The following GOLGA4 variants were observed in gnomAD, a reference collection of about 807,000 sequenced individuals.
The protein encoded by GOLGA4 is golgin A4.
GOLGA4 carries 169 observed loss-of-function variants against 265.9 expected under a neutral mutation model. That is an observed-to-expected ratio of 0.64 (90% confidence interval 0.56 to 0.72). The LOEUF (loss-of-function observed/expected upper bound fraction) is 0.72, where lower values mean the gene tolerates loss of function less well. GOLGA4 is among the 30% of genes least tolerant of loss of function. The pLI, the probability that GOLGA4 is intolerant of heterozygous loss-of-function variation, is 0.00. For missense variants in GOLGA4, 2,482 were observed against 2,483.4 expected (o/e 1.00, Z 0.01); for synonymous variants, 923 against 855.8 (o/e 1.08, Z -1.37).
In GOLGA4 at chr3:37,323,909, A is replaced by T; in HGVS notation, c.2023A>T (p.Thr675Ser). 1.2e-6 allele frequency: 2 copies of T among 1,613,610 alleles called. No individual in the cohort carries two copies. Among genetic ancestry groups the T allele is most frequent in the South Asian group, 1.1e-5 (1 of 90,956 alleles). ...QAHIEEMNEK[T>S]LEKLDVKQTE... ...CCACATAGAAGAAATGAATGAAAAG[A>T]CTTTAGAAAAGCTTGATGTGAAGCA... Residue 675 changes from threonine (T) to serine (S), a missense_variant, in exon 14 of 24, where the codon ACT (threonine) becomes TCT (serine). Physicochemically the swap from Thr to Ser is moderately conservative, Grantham distance 58. Around this residue, in one of 3 missense-constraint regions of GOLGA4, gnomAD observed 1,536 missense variants for 1,483.7 expected, o/e 1.04. Coordinates refer to ENST00000361924, the MANE Select transcript of GOLGA4 (RefSeq NM_002078.5).
At chr3:37,339,133 A>G (rs1440399738) in intron 19 of GOLGA4, among the ~76,000 whole-genome samples, 1 of 152,148 alleles carries the variant, frequency 6.6e-6, no homozygotes, top group East Asian at 1.9e-4. Flanking sequence ...AAGTGCTGGG[A>G]TTACAGGCAT....
At chr3:37,263,956 G>T (rs558728966) in intron 2 of GOLGA4, among the ~76,000 whole-genome samples, 2 of 152,262 alleles carry the variant, frequency 1.3e-5, no homozygotes, top group African/African-American at 4.8e-5. Context: ...GAGAACTGTT[G>T]CTTGCGAGAC....
rs372211115 is a variant in GOLGA4 at position 37,285,993 on chromosome 3, T to C, written c.478-21T>C. The C allele has an allele frequency of 6.3e-5, 91 of 1,443,746 alleles. No individual in the cohort carries two copies. The South Asian group carries it at 1.0e-3, about 17-fold the overall frequency. 89.4% of individuals were successfully genotyped at this position (1,443,746 alleles called of 1,614,324 possible). On this transcript the variant is annotated intron_variant, in intron 3 of 23. Coordinates refer to ENST00000361924, the MANE Select transcript of GOLGA4 (RefSeq NM_002078.5). ...TGCATTTATTTAGGAATGACTAATGTTGTTGATGACTATATTTTAGCTTGT... is the reference window on the plus strand; with the variant it reads ...TGCATTTATTTAGGAATGACTAATGCTGTTGATGACTATATTTTAGCTTGT...
chr3:37,268,484 C>T (rs2150703849), intron 2 of GOLGA4, among the ~76,000 whole-genome samples: 1 of 151,904 alleles, frequency 6.6e-6, no homozygotes, highest in Non-Finnish European at 1.5e-5. Flanking sequence ...CCTAGGGCCA[C>T]TTCCATAAGT....
chr3:37,359,228 A>G (rs969684942), intron 22 of GOLGA4, among the ~76,000 whole-genome samples: 2 of 152,220 alleles, frequency 1.3e-5, no homozygotes, highest in South Asian at 2.1e-4. Context: ...AATATGGGCA[A>G]GAGTGAATAC....
At position 37,258,087 on chromosome 3, in the gene GOLGA4, A is replaced by G. The variant is rs931031934; in HGVS notation, c.162+6603A>G. Among the ~76,000 whole-genome samples, 6 of 134,194 alleles carry G rather than the reference A, an allele frequency of 4.5e-5. 1 individual carries two copies. Among genetic ancestry groups the G allele is most frequent in the Non-Finnish European group, 7.8e-5 (5 of 63,776 alleles). 88.0% of individuals were successfully genotyped at this position (134,194 alleles called of 152,430 possible). On this transcript the variant is annotated intron_variant, in intron 2 of 23. Transcript: ENST00000361924. ...TATATATGTATATATATATGTGTGT[A>G]TATATATATGCTCTGTATATATATA... is the stretch of plus-strand genomic sequence containing the variant.
chr3:37,275,242 GAAAA>G (rs1300662121), intron 2 of GOLGA4, among the ~76,000 whole-genome samples: 1 of 98,942 alleles, frequency 1.0e-5, no homozygotes, highest in Non-Finnish European at 2.1e-5. Flanking sequence ...AAAAAAAAAA[GAAAA>G]AAAAAACCCC....
chr3:37,271,653 TTCC>T (rs2096799025), intron 2 of GOLGA4, among the ~76,000 whole-genome samples: 1 of 151,964 alleles, frequency 6.6e-6, no homozygotes, highest in Non-Finnish European at 1.5e-5. Context: ...TCCCCCTGGC[TTCC>T]CCACTCCCAC....
At chr3:37,356,282 G>A (rs1388789713) in intron 22 of GOLGA4, among the ~76,000 whole-genome samples, 1 of 152,050 alleles carries the variant, frequency 6.6e-6, no homozygotes, top group African/African-American at 2.4e-5. Context: ...CTCTGCACAA[G>A]GTCAGCCCTG....
At chr3:37,332,424 T>G (rs1465113655) in intron 16 of GOLGA4, among the ~76,000 whole-genome samples, 1 of 152,192 alleles carries the variant, frequency 6.6e-6, no homozygotes, top group African/African-American at 2.4e-5. Context: ...GGAGGATTGC[T>G]TGAGCTTGGG....
chr3:37,246,178 A>G (rs963412323), intron 1 of GOLGA4, among the ~76,000 whole-genome samples: 2 of 151,980 alleles, frequency 1.3e-5, no homozygotes, highest in African/African-American at 4.8e-5. Flanking sequence ...GTGGTGGCGC[A>G]CACCTGTAAT....
intron 2 of GOLGA4, among the ~76,000 whole-genome samples, 157 bp downstream of exon 2, chr3:37,251,641 T>TTC (rs2096734040): frequency 1.4e-5 from 2 of 144,902 alleles, no homozygotes; most frequent in Non-Finnish European, 3.1e-5. Flanking sequence ...TTTTTTTTTT[T>TTC]CACAAATAGC....
At chr3:37,336,643 T>C (rs1369958486) in intron 17 of GOLGA4, among the ~76,000 whole-genome samples, 1 of 150,490 alleles carries the variant, frequency 6.6e-6, no homozygotes, top group Admixed American at 6.6e-5. Flanking sequence ...TGGTGGCGCA[T>C]GCCTGTGGTC....
chr3:37,315,513 C>G lies in GOLGA4; in HGVS notation c.1328C>G (p.Thr443Ser). 1 of 1,613,778 alleles carries G rather than the reference C, an allele frequency of 6.2e-7. No homozygotes were observed. The highest frequency in any genetic ancestry group is 8.5e-7 in the Non-Finnish European group (1 of 1,179,786). The change falls in exon 11 of 24, where the codon ACT (threonine) becomes AGT (serine). Residue 443 changes from threonine (T) to serine (S), a missense_variant. Transcript: ENST00000361924. ...GCAGAAATGGATGAACAAATAAAAA[C>G]TATCGAAAAAACAAGTGAGGAGGAA... ...LKAEMDEQIKTIEKTSEEERI... is the reference protein window; with the variant it reads ...LKAEMDEQIKSIEKTSEEERI...
rs1313270499 is a variant in GOLGA4, at chr3:37,286,038, CAG to C, written c.510_511del (p.Lys171GlufsTer13). On this transcript the variant is annotated frameshift_variant, in exon 4 of 24. Coordinates refer to ENST00000361924, the MANE Select transcript of GOLGA4 (RefSeq NM_002078.5). LOFTEE classifies it high-confidence loss of function. ...SELVTAYQML[Q>X]REKKKLQGIL... ...GCTTGTTACAGCTTATCAGATGCTT[CAG>C]AGAGAGAAGAAAAAGCTACAAGTAA... is the stretch of plus-strand genomic sequence containing the variant. 3 of 1,566,968 alleles carry C rather than the reference CAG, an allele frequency of 1.9e-6. No homozygotes were observed. Among genetic ancestry groups the C allele is most frequent in the Non-Finnish European group, 2.6e-6 (3 of 1,145,266 alleles).
At chr3:37,284,730 C>T (rs1467962380) in intron 3 of GOLGA4, among the ~76,000 whole-genome samples, 1 of 148,516 alleles carries the variant, frequency 6.7e-6, no homozygotes, top group Non-Finnish European at 1.5e-5. Flanking sequence ...GTGGCATCAT[C>T]ACGGCTCACC....
chr3:37,247,029 G>C (rs773260665), intron 1 of GOLGA4, among the ~76,000 whole-genome samples: 9 of 152,200 alleles, frequency 5.9e-5, no homozygotes, highest in Non-Finnish European at 1.2e-4. Context: ...AATAGTTTCA[G>C]TCTTGAAATT....
intron 17 of GOLGA4, among the ~76,000 whole-genome samples, chr3:37,336,764 GAA>G (rs976438124): frequency 1.3e-5 from 2 of 150,240 alleles, no homozygotes; most frequent in African/African-American, 2.5e-5. Context: ...AAGAGCAAAA[GAA>G]AGAGAGAAAG....
intron 1 of GOLGA4, among the ~76,000 whole-genome samples, chr3:37,249,101 T>A (rs940421837): frequency 2.6e-5 from 4 of 152,174 alleles, no homozygotes; most frequent in Admixed American, 1.3e-4. Context: ...AGTGGCAGCC[T>A]TTGAGGCACC....
Sources: allele counts gnomAD v4.1 joint callset (sites outside exome capture counted in the v4.1 genomes callset), GRCh38; gene constraint gnomAD v4.1.1; regional missense constraint gnomAD v4.1.1; transcripts MANE v1.5; gene names NCBI Gene and HGNC (gene_info 2026-07-23, HGNC 2026-07-21).